KLHL29: variants seen among roughly 807,000 people sequenced by gnomAD.
KLHL29 encodes the protein kelch like family member 29, also known as kelch-like protein 29.
KLHL29 carries 21 observed loss-of-function variants against 80.4 expected under a neutral mutation model. The ratio of observed to expected loss-of-function variants is 0.26; its 90% confidence interval spans 0.19 to 0.38. KLHL29 has a LOEUF of 0.38. Among genes scored for constraint, KLHL29 ranks in the 10% least tolerant of loss-of-function variants. The probability of loss-of-function intolerance (pLI) is 1.00; values close to 1 mark genes in which losing one functional copy is unlikely to be tolerated. For missense variants in KLHL29, 867 were observed against 1,223.9 expected (o/e 0.71, Z 4.35); for synonymous variants, 511 against 526.8 (o/e 0.97, Z 0.41).
chr2:23,561,892 A>C (rs1349169236), intron 2 of KLHL29, among the ~76,000 whole-genome samples: 1 of 152,180 alleles, frequency 6.6e-6, no homozygotes, highest in Non-Finnish European at 1.5e-5. Context: ...GTGGCAGAAC[A>C]AACAGTATCA....
At chr2:23,557,906 C>T (rs1166279008) in intron 2 of KLHL29, among the ~76,000 whole-genome samples, 1 of 152,136 alleles carries the variant, frequency 6.6e-6, no homozygotes, top group Non-Finnish European at 1.5e-5. Context: ...ATTTCAGTGC[C>T]TTATCACAAC....
At chr2:23,613,779 A>AAAAAAAAC (rs1668932108) in intron 3 of KLHL29, among the ~76,000 whole-genome samples, 1 of 149,910 alleles carries the variant, frequency 6.7e-6, no homozygotes, top group Non-Finnish European at 1.5e-5. Context: ...AAAAAAAAAA[A>AAAAAAAAC]AAAAAAAAAA....
intron 2 of KLHL29, 45 bp downstream of exon 2, chr2:23,475,712 C>T (rs1664616035): frequency 6.0e-6 from 1 of 166,846 alleles, no homozygotes; most frequent in Admixed American, 6.5e-5. Flanking sequence ...AGGCATCAGA[C>T]CTGAGCATAG....
intron 4 of KLHL29, among the ~76,000 whole-genome samples, chr2:23,640,614 G>A (rs1669741123): frequency 1.3e-5 from 2 of 152,162 alleles, no homozygotes; most frequent in African/African-American, 4.8e-5. Flanking sequence ...CTAGAATCTT[G>A]CCATTACTTC....
rs1459932678 is a variant in KLHL29, at chr2:23,693,399, G to C, written c.1413G>C (p.Glu471Asp). 1.9e-6 allele frequency: 3 copies of C among 1,551,758 alleles called. No individual in the cohort carries two copies. Among genetic ancestry groups the C allele is most frequent in the Admixed American group, 3.9e-5 (2 of 51,012 alleles). The change falls in exon 8 of 14, where the codon GAG becomes GAC. Residue 471 changes from glutamate to aspartate, a missense_variant. By Grantham distance (45) the Glu-to-Asp change is conservative. This residue lies in a region of KLHL29 where 443 missense variants were observed against 767.0 expected (regional missense o/e 0.58). Transcript: ENST00000486442. Reference protein sequence around the residue: ...QIFPEVAAQEEILSISKDDFI... With the variant: ...QIFPEVAAQEDILSISKDDFI... ...TCCCCGAGGTGGCCGCCCAGGAGGA[G>C]ATCCTCAGCATCTCCAAGGACGACT...
At chr2:23,538,587 T>A (rs1558379158) in intron 2 of KLHL29, among the ~76,000 whole-genome samples, 1 of 151,586 alleles carries the variant, frequency 6.6e-6, no homozygotes, top group African/African-American at 2.4e-5. Context: ...GCCTGTGGCT[T>A]TGTGGGGGTG....
At chr2:23,488,298 A>T (rs1377697087) in intron 2 of KLHL29, among the ~76,000 whole-genome samples, 1 of 152,214 alleles carries the variant, frequency 6.6e-6, no homozygotes, top group Non-Finnish European at 1.5e-5. Flanking sequence ...GTAGACATGG[A>T]AGGCAGAGAG....
At chr2:23,516,642 A>G (rs1212382645) in intron 2 of KLHL29, among the ~76,000 whole-genome samples, 1 of 152,210 alleles carries the variant, frequency 6.6e-6, no homozygotes, top group Non-Finnish European at 1.5e-5. Context: ...ATACATTTGG[A>G]GTTACAAACA....
intron 6 of KLHL29, among the ~76,000 whole-genome samples, chr2:23,686,105 G>A (rs1386077565): frequency 6.6e-6 from 1 of 151,916 alleles, no homozygotes; most frequent in Admixed American, 6.5e-5. Flanking sequence ...GAAGAGGGAG[G>A]AAGAGCATTC....
At position 23,503,044 on chromosome 2, in the gene KLHL29, A is replaced by G. The variant is rs1457283648; in HGVS notation, c.-46+27377A>G. On this transcript the variant is annotated intron_variant, in intron 2 of 13. Transcript: ENST00000486442. This position sits in a 1 kb window ranked among gnomAD's most constrained non-coding sequence, Gnocchi z 4.0. ...TTCCTCTTTAATCATAAGGATTTAC[A>G]TCAGGAAAAATAACCTGAGAATAGA... Among the ~76,000 whole-genome samples the G allele has an allele frequency of 6.6e-6, 1 of 152,178 alleles. No individual in the cohort carries two copies. Among genetic ancestry groups the G allele is most frequent in the Non-Finnish European group, 1.5e-5 (1 of 68,028 alleles).
chr2:23,481,989 G>A (rs1322664467), intron 2 of KLHL29, among the ~76,000 whole-genome samples: 2 of 152,022 alleles, frequency 1.3e-5, no homozygotes, highest in Admixed American at 6.6e-5. Context: ...GATGGCTAAC[G>A]ATGGTCACCA....
chr2:23,511,849 C>G (rs1473074462), intron 2 of KLHL29, among the ~76,000 whole-genome samples: 1 of 152,032 alleles, frequency 6.6e-6, no homozygotes, highest in Non-Finnish European at 1.5e-5. Flanking sequence ...GTGGGGGAAC[C>G]CAGCTGGTGA....
chr2:23,392,993 T>C (rs900616681), intron 1 of KLHL29, among the ~76,000 whole-genome samples: 2 of 152,180 alleles, frequency 1.3e-5, no homozygotes, highest in African/African-American at 4.8e-5. Flanking sequence ...AGAAAAACTT[T>C]TAGGTGTTTG....
intron 3 of KLHL29, among the ~76,000 whole-genome samples, chr2:23,571,914 G>A (rs1321188059): frequency 6.6e-6 from 1 of 152,180 alleles, no homozygotes; most frequent in Non-Finnish European, 1.5e-5. Context: ...AGCAACAGCC[G>A]TGGGTGCCTC....
rs1239149009 is a variant in KLHL29, at chr2:23,412,797, T to C, written c.-154+27017T>C. Among the ~76,000 whole-genome samples, 4 of 152,080 alleles carry C rather than the reference T, an allele frequency of 2.6e-5. No homozygotes were observed. The East Asian group carries it at 5.8e-4, about 22-fold the overall frequency. On this transcript the variant is annotated intron_variant, in intron 1 of 13. Coordinates refer to ENST00000486442, the MANE Select transcript of KLHL29 (RefSeq NM_052920.2). ...CGGGATGCTATGAGGACCACTTGTC[T>C]CCTCCGCAAGAAGCTCGCAAAATGG...
chr2:23,662,366 C>T (rs1036635708), intron 5 of KLHL29, among the ~76,000 whole-genome samples: 1 of 152,166 alleles, frequency 6.6e-6, no homozygotes, highest in Non-Finnish European at 1.5e-5. Flanking sequence ...TGCAGGGCCA[C>T]GTCGTGTTCT....
chr2:23,676,922 C>T (rs1252999407), intron 5 of KLHL29, among the ~76,000 whole-genome samples: 1 of 152,146 alleles, frequency 6.6e-6, no homozygotes, highest in Non-Finnish European at 1.5e-5. Flanking sequence ...AGAGCCCCCA[C>T]TCAAGGTCAC....
intron 5 of KLHL29, among the ~76,000 whole-genome samples, chr2:23,675,389 G>A (rs1187783413): frequency 6.6e-6 from 1 of 152,168 alleles, no homozygotes; most frequent in East Asian, 1.9e-4. Flanking sequence ...CTGGGATGGG[G>A]TCCTGACACT....
chr2:23,467,671 G>A (rs992887405), intron 1 of KLHL29, among the ~76,000 whole-genome samples: 1 of 152,192 alleles, frequency 6.6e-6, no homozygotes, highest in African/African-American at 2.4e-5. Flanking sequence ...CAAAGGAAAG[G>A]CAGAATCATG....
Sources: allele counts gnomAD v4.1 joint callset (sites outside exome capture counted in the v4.1 genomes callset), GRCh38; gene constraint gnomAD v4.1.1; regional missense constraint gnomAD v4.1.1; non-coding constraint Gnocchi (gnomAD v3.1); transcripts MANE v1.5; gene names NCBI Gene and HGNC (gene_info 2026-07-23, HGNC 2026-07-21).